EPB41L1: variants seen among roughly 807,000 people sequenced by gnomAD.
EPB41L1 encodes erythrocyte membrane protein band 4.1 like 1.
Under a neutral mutation model 97.8 loss-of-function variants are expected in EPB41L1, and 29 were observed. That is an observed-to-expected ratio of 0.30 (90% CI 0.22 to 0.40). The LOEUF (loss-of-function observed/expected upper bound fraction) is 0.40. Ranked by LOEUF, EPB41L1 falls within the 10% of genes least tolerant of loss-of-function variation. EPB41L1 has a pLI of 1.00. For synonymous variants in EPB41L1, 383 were observed against 459.2 expected (o/e 0.83, Z 2.12); for missense variants, 812 against 1,162.3 (o/e 0.70, Z 4.38).
At position 36,209,719 on chromosome 20, in the gene EPB41L1, G is replaced by A. The variant is rs754539981; in HGVS notation, c.1900G>A (p.Glu634Lys). 5.6e-6 allele frequency: 9 copies of A among 1,611,416 alleles called. No individual in the cohort carries two copies. Among genetic ancestry groups the A allele is most frequent in the East Asian group, 4.5e-5 (2 of 44,774 alleles). ...VIGDYHGSAF[E>K]DFSRSLPELD... is the part of the protein sequence containing the mutation. ...TGGTGACTACCATGGCAGCGCCTTC[G>A]AAGACTTCTCCCGCAGCCTGCCTGA... The change falls in exon 15 of 22, where the codon GAA becomes AAA. Residue 634 changes from glutamate to lysine, a missense_variant. Physicochemically the swap from Glu to Lys is moderately conservative, Grantham distance 56. This residue lies in a region of EPB41L1 where 498 missense variants were observed against 622.7 expected (regional missense o/e 0.80). Coordinates refer to ENST00000338074, the MANE Select transcript of EPB41L1 (RefSeq NM_012156.2). The surrounding 1 kb of genome is among the most constrained non-coding windows in gnomAD (Gnocchi z 4.2).
chr20:36,097,847 G>C (rs985358832), intron 1 of EPB41L1, among the ~76,000 whole-genome samples: 1 of 152,242 alleles, frequency 6.6e-6, no homozygotes, highest in African/African-American at 2.4e-5. Flanking sequence ...TGGAGATAAA[G>C]CTGAGAGGAA....
intron 2 of EPB41L1, among the ~76,000 whole-genome samples, chr20:36,121,074 GAA>G (rs5841226): frequency 7.1e-5 from 10 of 141,774 alleles, no homozygotes; most frequent in African/African-American, 7.9e-5. Flanking sequence ...TGTCTGACAT[GAA>G]AAAAAAAAAA....
intron 1 of EPB41L1, among the ~76,000 whole-genome samples, chr20:36,171,806 C>T (rs1600723844): frequency 6.6e-6 from 1 of 152,264 alleles, no homozygotes; most frequent in East Asian, 1.9e-4. Context: ...CTATCAGAGG[C>T]CTCCCACGAT....
chr20:36,114,040 G>A (rs934951796), intron 2 of EPB41L1, among the ~76,000 whole-genome samples: 18 of 152,160 alleles, frequency 1.2e-4, no homozygotes, highest in Non-Finnish European at 2.2e-4. Flanking sequence ...GGGTGCAGTC[G>A]GAGCTAGTTG....
intron 1 of EPB41L1, among the ~76,000 whole-genome samples, chr20:36,160,589 CAA>C (rs1245114940): frequency 3.5e-5 from 4 of 113,336 alleles, no homozygotes; most frequent in East Asian, 2.4e-4. Flanking sequence ...GACTCCGTCA[CAA>C]AAAAAAAAAA....
Position 36,170,203 on chromosome 20 carries a change from A to G in EPB41L1, c.-14-3561A>G, listed in dbSNP as rs368733982. ...TTTTTAAAAGGTTTAAACAGATTTTATCTCCTTCTCATACTGCCATACCAA... is the reference window on the plus strand; with the variant it reads ...TTTTTAAAAGGTTTAAACAGATTTTGTCTCCTTCTCATACTGCCATACCAA... On this transcript the variant is annotated intron_variant, in intron 1 of 21. Transcript: ENST00000338074. Among the ~76,000 whole-genome samples the G allele has an allele frequency of 5.9e-5, 9 of 152,214 alleles. No individual in the cohort carries two copies. The East Asian group carries it at 1.4e-3, about 23-fold the overall frequency.
At chr20:36,203,477 C>T (rs530782697) in intron 14 of EPB41L1, among the ~76,000 whole-genome samples, 2 of 152,276 alleles carry the variant, frequency 1.3e-5, no homozygotes, top group African/African-American at 2.4e-5. Flanking sequence ...CCAGCACCTG[C>T]GCCACTCACT....
At chr20:36,151,794 C>T (rs2060059254), upstream of EPB41L1, 1 of 152,342 alleles carries the variant, frequency 6.6e-6, no homozygotes, top group Non-Finnish European at 1.5e-5. Context: ...CACTCTGAGC[C>T]TCAGCCTGCC....
chr20:36,222,429 A>G (rs1450969530), intron 21 of EPB41L1, 35 bp downstream of exon 21: 6 of 1,537,554 alleles, frequency 3.9e-6, no homozygotes, highest in Non-Finnish European at 5.4e-6. Context: ...CATGAGAGAG[A>G]GGAGGGAGCA....
chr20:36,092,850 G>A lies in EPB41L1; in HGVS notation c.-65+1238G>A, dbSNP rs1017742802. The A allele has an allele frequency of 6.6e-6, 1 of 152,342 alleles. No homozygotes were observed. Among genetic ancestry groups the A allele is most frequent in the Non-Finnish European group, 1.5e-5 (1 of 68,048 alleles). The allele number at this position is 152,342 out of a possible 1,614,324, so 9.4% of individuals were successfully genotyped here. On this transcript the variant is annotated intron_variant, in intron 1 of 19. Coordinates refer to the EPB41L1 transcript ENST00000202028. This position sits in a 1 kb window ranked among gnomAD's most constrained non-coding sequence, Gnocchi z 7.0. ...CCGCCGTCCCCCTCCGCGTCCCGGG[G>A]ACCCCGCCGCGTCGGGTCCCGCGTG...
upstream of EPB41L1, among the ~76,000 whole-genome samples, chr20:36,150,070 G>GTTTT (rs112537871): frequency 2.8e-5 from 4 of 141,582 alleles, no homozygotes; most frequent in African/African-American, 1.0e-4. Context: ...AGGTTTTTTT[G>GTTTT]TTTTTTTTTT....
Position 36,092,484 on chromosome 20 carries a change from T to G in EPB41L1, c.-65+872T>G, listed in dbSNP as rs2057686476. On this transcript the variant is annotated intron_variant, in intron 1 of 19. Coordinates refer to the EPB41L1 transcript ENST00000202028. The surrounding 1 kb of genome is among the most constrained non-coding windows in gnomAD (Gnocchi z 7.0). ...CCCGGGACCGGCGCGCGGCCCCAGC[T>G]CCGGCGGCTCCGGCGGCTCCGGCGC... 6.6e-6 allele frequency among the ~76,000 whole-genome samples: 1 copy of G among 151,714 alleles called. No homozygotes were observed. Among genetic ancestry groups the G allele is most frequent in the Admixed American group, 6.5e-5 (1 of 15,268 alleles).
chr20:36,209,703 C>T lies in EPB41L1; in HGVS notation c.1884C>T (p.Tyr628=), dbSNP rs2063021813. The T allele has an allele frequency of 6.2e-7, 1 of 1,614,188 alleles. No homozygotes were observed. The highest frequency in any genetic ancestry group is 8.5e-7 in the Non-Finnish European group (1 of 1,180,042). The change falls in exon 15 of 22, where the codon TAC becomes TAT. Residue 628 remains tyrosine, a synonymous_variant. Transcript: ENST00000338074. This position sits in a 1 kb window ranked among gnomAD's most constrained non-coding sequence, Gnocchi z 4.2. ...TGGACTTCACGGTCATTGGTGACTA[C>T]CATGGCAGCGCCTTCGAAGACTTCT... ...AEVDFTVIGD[Y]HGSAFEDFSR...
intron 1 of EPB41L1, among the ~76,000 whole-genome samples, chr20:36,165,010 C>T (rs2145726144): frequency 6.7e-6 from 1 of 150,046 alleles, no homozygotes; most frequent in African/African-American, 2.5e-5. Flanking sequence ...GAGACAGAAT[C>T]TCGTTCTGTC....
rs79969502 is a variant in EPB41L1 at position 36,164,391 on chromosome 20, C to T, written c.-14-9373C>T. On this transcript the variant is annotated intron_variant, in intron 1 of 21. Coordinates refer to ENST00000338074, the MANE Select transcript of EPB41L1 (RefSeq NM_012156.2). ...TCATTCAAAACAAGAGACTTTTTTT[C>T]TGCCTGGGAGTCTCTTGGTGTTTTG... 6.0e-3 allele frequency among the ~76,000 whole-genome samples: 907 copies of T among 152,182 alleles called. 4 individuals carry two copies. The highest frequency in any genetic ancestry group is 0.02 in the Middle Eastern group (6 of 294).
At chr20:36,166,508 A>G (rs1213538957) in intron 1 of EPB41L1, among the ~76,000 whole-genome samples, 1 of 152,174 alleles carries the variant, frequency 6.6e-6, no homozygotes, top group Admixed American at 6.6e-5. Flanking sequence ...TCTTATCTTT[A>G]TGGAGTTTAT....
rs977146115 is a variant in EPB41L1, at chr20:36,092,611, G to A, written c.-65+999G>A. The A allele has an allele frequency of 5.3e-5, 8 of 151,738 alleles. No homozygotes were observed. The highest frequency in any genetic ancestry group is 2.6e-4 in the Admixed American group (4 of 15,230). 9.4% of individuals were successfully genotyped at this position (151,738 alleles called of 1,614,324 possible). The stretch of plus-strand genomic sequence containing the variant: ...GCCGCCTCCTCCGGGGGAGCCGGCC[G>A]GGGCGGGGCGGAGCGGCGAGAGGGG... On this transcript the variant is annotated intron_variant, in intron 1 of 19. Coordinates refer to the EPB41L1 transcript ENST00000202028. This position sits in a 1 kb window ranked among gnomAD's most constrained non-coding sequence, Gnocchi z 7.0.
intron 6 of EPB41L1, among the ~76,000 whole-genome samples, 198 bp downstream of exon 6, chr20:36,182,545 G>C (rs143471149): frequency 6.6e-6 from 1 of 152,332 alleles, no homozygotes; most frequent in East Asian, 1.9e-4. Context: ...GTCAGTGGCA[G>C]CTGACCCTTG....
upstream of EPB41L1, chr20:36,150,379 C>A (rs946179645): frequency 2.6e-5 from 4 of 152,162 alleles, no homozygotes; most frequent in African/African-American, 9.6e-5. Context: ...ATATTACATT[C>A]TTTTTGGTAT....
Sources: allele counts gnomAD v4.1 joint callset (sites outside exome capture counted in the v4.1 genomes callset), GRCh38; gene constraint gnomAD v4.1.1; regional missense constraint gnomAD v4.1.1; non-coding constraint Gnocchi (gnomAD v3.1); transcripts MANE v1.5; gene names NCBI Gene and HGNC (gene_info 2026-07-23, HGNC 2026-07-21).